JAK2: variants seen among roughly 807,000 people sequenced by gnomAD.
JAK2 encodes the protein tyrosine-protein kinase JAK2.
In JAK2, 86 loss-of-function variants were observed where a neutral mutation model predicts 139.3. The observed-to-expected ratio is 0.62, with a 90% CI of 0.52 to 0.74. The LOEUF is 0.74. JAK2 is among the 30% of genes least tolerant of loss of function. The pLI, the probability that JAK2 is intolerant of heterozygous loss-of-function variation, is 0.00. For missense variants in JAK2, 1,421 were observed against 1,360.3 expected (o/e 1.04, Z -0.70); for synonymous variants, 490 against 437.7 (o/e 1.12, Z -1.49).
intron 22 of JAK2, chr9:5,110,952 CA>C: frequency 1.7e-6 from 1 of 593,834 alleles, no homozygotes; most frequent in Non-Finnish European, 3.2e-6. Flanking sequence ...TGGACACGGA[CA>C]AGGAGCTCAG....
chr9:5,043,036 G>A (rs1213353800), intron 4 of JAK2, among the ~76,000 whole-genome samples: 3 of 152,228 alleles, frequency 2.0e-5, no homozygotes, highest in Admixed American at 1.3e-4. Context: ...GCCCTGCTGT[G>A]TGGAGGCGCG....
chr9:5,084,371 C>G (rs1171825090), intron 19 of JAK2, among the ~76,000 whole-genome samples: 2 of 152,090 alleles, frequency 1.3e-5, no homozygotes, highest in Non-Finnish European at 2.9e-5. Context: ...AATCAAAATG[C>G]CATTCCTACA....
At chr9:4,984,869 C>T (rs1819851120), upstream of JAK2, 1 of 152,406 alleles carries the variant, frequency 6.6e-6, no homozygotes, top group South Asian at 2.1e-4. Flanking sequence ...CAGCCGGGCA[C>T]CAGCGTTTCG....
chr9:4,985,844 CTT>C (rs1471467232), intron 1 of JAK2, 94 bp from the exon 2 acceptor site: 1 of 152,640 alleles, frequency 6.6e-6, no homozygotes, highest in Non-Finnish European at 1.5e-5. Context: ...CTCCTTATTC[CTT>C]TTTAAAATTT....
chr9:5,103,132 G>A (rs144727130), intron 22 of JAK2, among the ~76,000 whole-genome samples: 160 of 144,996 alleles, frequency 1.1e-3, no homozygotes, highest in African/African-American at 3.8e-3. Context: ...CCATCACTGT[G>A]CTGTATTCAG....
Position 5,127,197 on chromosome 9 carries a change from T to G in JAK2, c.*406T>G, listed in dbSNP as rs934128322. ...AGTGGATGTATAATACCTTGGCATC[T>G]TGTGTGATGTTTTACACACATGAGG... On this transcript the variant is annotated 3_prime_UTR_variant, in exon 25 of 25. Transcript: ENST00000381652. 2 of 234,860 alleles carry G rather than the reference T, an allele frequency of 8.5e-6. No homozygotes were observed. Among genetic ancestry groups the G allele is most frequent in the African/African-American group, 4.4e-5 (2 of 45,316 alleles). The allele number at this position is 234,860 out of a possible 1,614,324, so 14.5% of individuals were successfully genotyped here. A position where few individuals can be genotyped will look rare whatever the true frequency, so the allele number is the denominator to read the frequency against.
chr9:5,085,189 A>G, intron 19 of JAK2: 2 of 656,404 alleles, frequency 3.0e-6, no homozygotes, highest in South Asian at 1.4e-5. Context: ...GAACCATCTC[A>G]TGATCATAGC....
At chr9:5,005,796 T>C (rs928159910) in intron 2 of JAK2, among the ~76,000 whole-genome samples, 3 of 152,340 alleles carry the variant, frequency 2.0e-5, no homozygotes, top group African/African-American at 7.2e-5. Flanking sequence ...ACATTTTCTA[T>C]GTGGAAAAGT....
chr9:4,988,475 A>G (rs1386416191), intron 2 of JAK2, among the ~76,000 whole-genome samples: 2 of 152,230 alleles, frequency 1.3e-5, no homozygotes, highest in Admixed American at 6.5e-5. Context: ...CTACTAAGTA[A>G]GTTGTTCAAA....
chr9:5,080,750 C>G, intron 18 of JAK2, 67 bp downstream of exon 18: 1 of 1,227,214 alleles, frequency 8.1e-7, no homozygotes, highest in Non-Finnish European at 1.1e-6. Context: ...TGAATCATTA[C>G]TAATTTTTAA....
chr9:5,118,885 G>A (rs1675224284), intron 22 of JAK2, among the ~76,000 whole-genome samples: 1 of 152,096 alleles, frequency 6.6e-6, no homozygotes, highest in South Asian at 2.1e-4. Context: ...TTTCAAAAAT[G>A]AGTTTACTAA....
intron 4 of JAK2, among the ~76,000 whole-genome samples, chr9:5,042,178 C>T (rs1366926965): frequency 2.0e-5 from 3 of 147,106 alleles, no homozygotes; most frequent in Admixed American, 6.8e-5. Context: ...TCGCCCAGGC[C>T]GGACTGCGGA....
At chr9:5,072,361 C>T in intron 12 of JAK2, 131 bp from the exon 13 acceptor site, 1 of 577,514 alleles carries the variant, frequency 1.7e-6, no homozygotes, top group Non-Finnish European at 2.9e-6. Context: ...AGTCTTAAAT[C>T]TGGATTTAGA....
At chr9:5,106,102 C>T (rs73399334) in intron 22 of JAK2, among the ~76,000 whole-genome samples, 176 of 152,292 alleles carry the variant, frequency 1.2e-3, no homozygotes, top group African/African-American at 4.1e-3. Flanking sequence ...GCAAAACAAA[C>T]TACCATTAGA....
At chr9:5,122,231 A>G (rs910510782) in intron 22 of JAK2, among the ~76,000 whole-genome samples, 2 of 152,132 alleles carry the variant, frequency 1.3e-5, no homozygotes, top group Admixed American at 1.3e-4. Context: ...TAATAAAGAT[A>G]AACTTAGCAA....
At chr9:5,119,252 T>C (rs1168253048) in intron 22 of JAK2, among the ~76,000 whole-genome samples, 1 of 152,104 alleles carries the variant, frequency 6.6e-6, no homozygotes, top group Non-Finnish European at 1.5e-5. Flanking sequence ...ATATTAATAA[T>C]ATGTGATTTT....
At chr9:5,027,468 T>C (rs1169596026) in intron 3 of JAK2, among the ~76,000 whole-genome samples, 1 of 152,192 alleles carries the variant, frequency 6.6e-6, no homozygotes, top group Admixed American at 6.5e-5. Context: ...GAGTCTTGCC[T>C]TGATGTTGAT....
chr9:5,067,214 A>G (rs1586731964), intron 10 of JAK2, among the ~76,000 whole-genome samples: 2 of 152,108 alleles, frequency 1.3e-5, no homozygotes, highest in South Asian at 2.1e-4. Flanking sequence ...AACTAGGTCA[A>G]TAACAAACAA....
intron 3 of JAK2, among the ~76,000 whole-genome samples, chr9:5,027,744 C>G (rs1822872041): frequency 6.6e-6 from 1 of 152,230 alleles, no homozygotes; most frequent in South Asian, 2.1e-4. Context: ...ATATTCACAG[C>G]ATCTTCACCA....
Sources: gnomAD v4.1 joint callset for allele counts (sites outside exome capture counted in the v4.1 genomes callset) on GRCh38, gnomAD v4.1.1 for gene constraint, MANE v1.5 for transcripts, NCBI Gene and HGNC (gene_info 2026-07-23, HGNC 2026-07-21) for gene names.